Variants in KALRN observed in about 807,000 individuals in gnomAD.
KALRN encodes the protein kalirin RhoGEF kinase.
In KALRN, 70 loss-of-function variants were observed where a neutral mutation model predicts 353.7. That is an observed-to-expected ratio of 0.20 (90% CI 0.16 to 0.24). The LOEUF (loss-of-function observed/expected upper bound fraction) is 0.24. KALRN is among the 10% of genes least tolerant of loss of function. KALRN has a pLI of 1.00. For missense variants in KALRN, 2,791 were observed against 3,756.7 expected, an observed-to-expected ratio of 0.74 and a Z score of 6.72; for synonymous variants, 1,391 against 1,434.8, an observed-to-expected ratio of 0.97 and a Z score of 0.69.
intron 5 of KALRN, among the ~76,000 whole-genome samples, chr3:124,270,260 A>G (rs2073987602): frequency 6.6e-6 from 1 of 152,206 alleles, no homozygotes; most frequent in Non-Finnish European, 1.5e-5. Context: ...TGAATTTTAC[A>G]ATGTCTGATA....
At chr3:124,035,259 C>A (rs1433870578) in intron 1 of KALRN, among the ~76,000 whole-genome samples, 2 of 152,016 alleles carry the variant, frequency 1.3e-5, no homozygotes, top group African/African-American at 4.8e-5. Context: ...CACAGCCCAG[C>A]ACCCAAAAGC....
chr3:124,097,444 G>A (rs1196304822), intron 1 of KALRN, among the ~76,000 whole-genome samples: 1 of 152,156 alleles, frequency 6.6e-6, no homozygotes, highest in East Asian at 1.9e-4. Context: ...ATGTCATCTT[G>A]AAAGTAACAG....
intron 34 of KALRN, among the ~76,000 whole-genome samples, chr3:124,619,992 C>A (rs114165308): frequency 6.6e-6 from 1 of 150,938 alleles, no homozygotes; most frequent in Non-Finnish European, 1.5e-5. Context: ...TTTTTTTTTC[C>A]ACAATGAAAG....
chr3:124,174,160 A>G (rs1445253734), intron 1 of KALRN, among the ~76,000 whole-genome samples: 1 of 151,900 alleles, frequency 6.6e-6, no homozygotes, highest in African/African-American at 2.4e-5. Context: ...TGGGCCAGGC[A>G]TGGTAGCTCA....
intron 33 of KALRN, among the ~76,000 whole-genome samples, chr3:124,555,426 T>C (rs1343992385): frequency 2.2e-5 from 3 of 134,062 alleles, no homozygotes; most frequent in African/African-American, 3.4e-5. Context: ...AATAAATAAA[T>C]AAATAAATAA....
At chr3:124,636,724 A>G (rs1260085809) in intron 36 of KALRN, among the ~76,000 whole-genome samples, 1 of 86,038 alleles carries the variant, frequency 1.2e-5, no homozygotes, top group Non-Finnish European at 2.7e-5. Context: ...TGGACACATA[A>G]TAAAGATCTA....
At chr3:124,519,497 T>C (rs2066986370) in intron 33 of KALRN, 4 of 985,396 alleles carry the variant, frequency 4.1e-6, no homozygotes, top group Non-Finnish European at 4.8e-6. Context: ...TTATTTTCAA[T>C]AGATTAAACC....
intron 1 of KALRN, among the ~76,000 whole-genome samples, chr3:124,099,619 T>G (rs1198918399): frequency 1.3e-5 from 2 of 152,204 alleles, no homozygotes; most frequent in Non-Finnish European, 2.9e-5. Flanking sequence ...TATTTTTAGT[T>G]TTTATGAGAA....
intron 20 of KALRN, 80 bp from the exon 21 acceptor site, chr3:124,446,683 A>G: frequency 6.4e-7 from 1 of 1,565,222 alleles, no homozygotes; most frequent in Non-Finnish European, 8.7e-7. Flanking sequence ...TGTCCCAACA[A>G]TAACCTTCAT....
chr3:124,136,127 G>A (rs929977449), intron 1 of KALRN, among the ~76,000 whole-genome samples: 3 of 152,088 alleles, frequency 2.0e-5, no homozygotes, highest in Non-Finnish European at 4.4e-5. Flanking sequence ...GCCCAGACTG[G>A]TATTATTTTA....
At chr3:124,041,159 G>A (rs182398834) in intron 1 of KALRN, among the ~76,000 whole-genome samples, 91 of 152,304 alleles carry the variant, frequency 6.0e-4, no homozygotes, top group African/African-American at 2.1e-3. Flanking sequence ...GGGGTTAAAA[G>A]GGGAGGGAAA....
In KALRN at chr3:124,170,831, C is replaced by CTTTTTTTTTT. The variant is rs752783614; in HGVS notation, c.74-57129_74-57120dup. Among the ~76,000 whole-genome samples, 23 of 47,148 alleles carry CTTTTTTTTTT rather than the reference C, an allele frequency of 4.9e-4. 5 individuals carry two copies. The highest frequency in any genetic ancestry group is 1.0e-3 in the African/African-American group (13 of 12,584). 30.9% of individuals were successfully genotyped at this position (47,148 alleles called of 152,430 possible). A position where few individuals can be genotyped will look rare whatever the true frequency, so the allele number is the denominator to read the frequency against. On this transcript the variant is annotated intron_variant, in intron 1 of 59. Transcript: ENST00000682506. ...TATAAACTCCTTCCACTTCCACATT[C>CTTTTTTTTTT]TTTTTTTTTTTTTTTTTTTTTTTTT...
Position 124,719,521 on chromosome 3 carries a change from C to G in KALRN, c.*51C>G. ...CATAGACGTGCAGTGTGAACCAAAG[C>G]AAGACTGAATGTGACTGTAAATAAT... On this transcript the variant is annotated 3_prime_UTR_variant, in exon 60 of 60. Transcript: ENST00000682506. This position sits in a 1 kb window ranked among gnomAD's most constrained non-coding sequence, Gnocchi z 5.3. The G allele has an allele frequency of 6.7e-7, 1 of 1,501,174 alleles. No individual in the cohort carries two copies. The highest frequency in any genetic ancestry group is 9.1e-7 in the Non-Finnish European group (1 of 1,096,632). The allele number at this position is 1,501,174 out of a possible 1,614,324, so 93.0% of individuals were successfully genotyped here.
At chr3:124,441,333 G>A (rs192559097) in intron 18 of KALRN, among the ~76,000 whole-genome samples, 7 of 152,280 alleles carry the variant, frequency 4.6e-5, no homozygotes, top group Admixed American at 3.3e-4. Context: ...CAACATAGAA[G>A]GAGACGAGAG....
chr3:124,282,803 C>A (rs927901848), intron 5 of KALRN, among the ~76,000 whole-genome samples: 1 of 152,158 alleles, frequency 6.6e-6, no homozygotes, highest in African/African-American at 2.4e-5. Flanking sequence ...CAGAGTATAT[C>A]CTGTAGGGTC....
intron 6 of KALRN, among the ~76,000 whole-genome samples, chr3:124,301,217 T>C (rs2077239270): frequency 6.6e-6 from 1 of 152,258 alleles, no homozygotes; most frequent in Non-Finnish European, 1.5e-5. Context: ...AATTAACTGC[T>C]CTTCTCTGCT....
At chr3:124,684,271 C>T (rs752679832) in intron 51 of KALRN, among the ~76,000 whole-genome samples, 12 of 152,080 alleles carry the variant, frequency 7.9e-5, no homozygotes, top group Non-Finnish European at 1.6e-4. Flanking sequence ...ATCCTGCGGC[C>T]ACTTGGTACC....
At chr3:124,233,056 C>T (rs1009752604) in intron 2 of KALRN, among the ~76,000 whole-genome samples, 1 of 152,160 alleles carries the variant, frequency 6.6e-6, no homozygotes, top group African/African-American at 2.4e-5. Flanking sequence ...AATCTCATGT[C>T]TCCAAGGCCA....
At chr3:124,651,658 G>A (rs1294619058) in intron 38 of KALRN, among the ~76,000 whole-genome samples, 1 of 130,868 alleles carries the variant, frequency 7.6e-6, no homozygotes, top group Admixed American at 8.1e-5. Context: ...TTTTTTTTGA[G>A]ACAGGGTCTT....
Sources: gnomAD v4.1 joint callset for allele counts (sites outside exome capture counted in the v4.1 genomes callset) on GRCh38, gnomAD v4.1.1 for gene constraint, Gnocchi (gnomAD v3.1) non-coding constraint, MANE v1.5 for transcripts, NCBI Gene and HGNC (gene_info 2026-07-23, HGNC 2026-07-21) for gene names.